The following AGAP1 variants were observed in gnomAD, a reference collection of about 807,000 sequenced individuals.
AGAP1 encodes arf-GAP with GTPase, ANK repeat and PH domain-containing protein 1.
AGAP1 carries 29 observed loss-of-function variants against 105.3 expected under a neutral mutation model. The observed-to-expected ratio is 0.28, with a 90% CI of 0.21 to 0.38. The LOEUF (loss-of-function observed/expected upper bound fraction) is 0.38. Among genes scored for constraint, AGAP1 ranks in the 10% least tolerant of loss-of-function variants. The pLI is 1.00. For missense variants in AGAP1, 998 were observed against 1,165.1 expected (o/e 0.86, Z 2.09); for synonymous variants, 509 against 485.9 (o/e 1.05, Z -0.63).
rs559307771 is a variant in AGAP1 at position 235,582,498 on chromosome 2, G to C, written c.163+87649G>C. Among the ~76,000 whole-genome samples, 1 of 152,334 alleles carries C rather than the reference G, an allele frequency of 6.6e-6. No individual in the cohort carries two copies. Among genetic ancestry groups the C allele is most frequent in the African/African-American group, 2.4e-5 (1 of 41,576 alleles). Reference sequence around the variant, plus strand: ...TGATGAAGCCCTCTTGAGTCAGATCGTGGGGTTGGTTGGTCATGCGTGTAA... The same window carrying C: ...TGATGAAGCCCTCTTGAGTCAGATCCTGGGGTTGGTTGGTCATGCGTGTAA... On this transcript the variant is annotated intron_variant, in intron 1 of 17. Transcript: ENST00000304032. The surrounding 1 kb of genome is among the most constrained non-coding windows in gnomAD (Gnocchi z 4.7).
At chr2:235,832,286 T>C (rs1185094640) in intron 9 of AGAP1, among the ~76,000 whole-genome samples, 4 of 152,242 alleles carry the variant, frequency 2.6e-5, no homozygotes, top group Non-Finnish European at 4.4e-5. Flanking sequence ...ATCTTTCTTC[T>C]TTTCCCTCCT....
In AGAP1 at chr2:235,970,345, A is replaced by G. The variant is rs2054589734; in HGVS notation, c.1645+1722A>G. Among the ~76,000 whole-genome samples, 2 of 152,156 alleles carry G rather than the reference A, an allele frequency of 1.3e-5. No homozygotes were observed. Among genetic ancestry groups the G allele is most frequent in the Non-Finnish European group, 2.9e-5 (2 of 68,044 alleles). ...TGCCACTGACCTTCCCACTGAAAAC[A>G]GTATCAGCCGCAGGCGCTCTGTGTT... On this transcript the variant is annotated intron_variant, in intron 13 of 17. Coordinates refer to ENST00000304032, the MANE Select transcript of AGAP1 (RefSeq NM_001037131.3). The surrounding 1 kb of genome is among the most constrained non-coding windows in gnomAD (Gnocchi z 5.4).
intron 16 of AGAP1, among the ~76,000 whole-genome samples, chr2:236,084,420 G>C (rs549985039): frequency 1.3e-5 from 2 of 152,326 alleles, no homozygotes; most frequent in South Asian, 4.1e-4. Flanking sequence ...AAGTGTGGGA[G>C]ATTGTTGAGC....
At position 236,101,953 on chromosome 2, in the gene AGAP1, C is replaced by G. The variant is rs1425034967; in HGVS notation, c.2115-18239C>G. 6.6e-6 allele frequency among the ~76,000 whole-genome samples: 1 copy of G among 152,226 alleles called. No individual in the cohort carries two copies. The highest frequency in any genetic ancestry group is 1.5e-5 in the Non-Finnish European group (1 of 68,052). ...GTTTCTGTGCAAACATACTCACACA[C>G]AGTTTCCAAATGAAGTCACAAACTT... On this transcript the variant is annotated intron_variant, in intron 16 of 17. Transcript: ENST00000304032. This position sits in a 1 kb window ranked among gnomAD's most constrained non-coding sequence, Gnocchi z 4.9.
At chr2:235,797,964 G>T in intron 7 of AGAP1, 78 bp downstream of exon 7, 2 of 1,506,450 alleles carry the variant, frequency 1.3e-6, no homozygotes, top group Non-Finnish European at 1.8e-6. Context: ...CAATGCTAAG[G>T]TTGATTTTTT....
At position 236,113,420 on chromosome 2, in the gene AGAP1, T is replaced by G. The variant is rs1314593560; in HGVS notation, c.2115-6772T>G. ...TCCCAAAGTGCTGGGATTACAGTCA[T>G]GAGCCACCATGCCCGGCTGGAGTTT... On this transcript the variant is annotated intron_variant, in intron 16 of 17. Transcript: ENST00000304032. This position sits in a 1 kb window ranked among gnomAD's most constrained non-coding sequence, Gnocchi z 4.3. 6.6e-6 allele frequency among the ~76,000 whole-genome samples: 1 copy of G among 152,218 alleles called. No homozygotes were observed. The highest frequency in any genetic ancestry group is 6.5e-5 in the Admixed American group (1 of 15,282).
intron 16 of AGAP1, among the ~76,000 whole-genome samples, chr2:236,088,895 A>G (rs373519636): frequency 5.3e-5 from 8 of 152,220 alleles, no homozygotes; most frequent in African/African-American, 1.4e-4. Context: ...TCTTGAAAGA[A>G]TAGTTGCTTA....
intron 1 of AGAP1, among the ~76,000 whole-genome samples, chr2:235,651,841 A>C (rs948788703): frequency 6.6e-6 from 1 of 152,198 alleles, no homozygotes; most frequent in East Asian, 1.9e-4. Flanking sequence ...TTATACTCGT[A>C]TCTTGTTCCA....
chr2:235,501,781 G>A (rs1396160961), intron 1 of AGAP1, among the ~76,000 whole-genome samples: 1 of 151,552 alleles, frequency 6.6e-6, no homozygotes, highest in Non-Finnish European at 1.5e-5. Flanking sequence ...CCCCCTCCCC[G>A]CCCCCATCCC....
At chr2:236,041,409 A>G (rs1200298856) in intron 15 of AGAP1, among the ~76,000 whole-genome samples, 2 of 151,774 alleles carry the variant, frequency 1.3e-5, no homozygotes, top group Non-Finnish European at 2.9e-5. Context: ...TCTTAAATCC[A>G]TTACCCACTA....
rs2054115915 is a variant in AGAP1 at position 235,960,029 on chromosome 2, A to G, written c.1484-8433A>G. ...TGTTGGAGCATTGCCGTGGCAGGAG[A>G]ACGCAGTGGGCAGAGACGCACCCTG... On this transcript the variant is annotated intron_variant, in intron 12 of 17. Coordinates refer to ENST00000304032, the MANE Select transcript of AGAP1 (RefSeq NM_001037131.3). This position sits in a 1 kb window ranked among gnomAD's most constrained non-coding sequence, Gnocchi z 4.9. 6.6e-6 allele frequency among the ~76,000 whole-genome samples: 1 copy of G among 152,136 alleles called. No homozygotes were observed. Among genetic ancestry groups the G allele is most frequent in the African/African-American group, 2.4e-5 (1 of 41,444 alleles).
Position 235,689,386 on chromosome 2 carries a change from C to G in AGAP1, c.164-19793C>G, listed in dbSNP as rs1949629420. Among the ~76,000 whole-genome samples, 1 of 152,226 alleles carries G rather than the reference C, an allele frequency of 6.6e-6. No homozygotes were observed. The highest frequency in any genetic ancestry group is 2.4e-5 in the African/African-American group (1 of 41,458). Reference sequence around the variant, plus strand: ...GGCCCGTAGGGTCTCCAGCACAATACCGGGTTAGTGAGCAGAAAGTAGTGC... The same window carrying G: ...GGCCCGTAGGGTCTCCAGCACAATAGCGGGTTAGTGAGCAGAAAGTAGTGC... On this transcript the variant is annotated intron_variant, in intron 1 of 17. Coordinates refer to ENST00000304032, the MANE Select transcript of AGAP1 (RefSeq NM_001037131.3). The surrounding 1 kb of genome is among the most constrained non-coding windows in gnomAD (Gnocchi z 4.2).
At chr2:235,521,126 T>G (rs1281500341) in intron 1 of AGAP1, among the ~76,000 whole-genome samples, 1 of 152,218 alleles carries the variant, frequency 6.6e-6, no homozygotes, top group African/African-American at 2.4e-5. Context: ...CCAGCAGAGC[T>G]TCCAACAGTG....
At chr2:235,890,727 GGT>G (rs1306976136) in intron 10 of AGAP1, among the ~76,000 whole-genome samples, 7 of 152,168 alleles carry the variant, frequency 4.6e-5, no homozygotes, top group African/African-American at 1.7e-4. Context: ...CTGGCTGGAA[GGT>G]GTCCGTTTTA....
In AGAP1 at chr2:235,725,921, G is replaced by A. The variant is rs1951621679; in HGVS notation, c.310+8277G>A. 2.0e-5 allele frequency among the ~76,000 whole-genome samples: 3 copies of A among 152,090 alleles called. No homozygotes were observed. The highest frequency in any genetic ancestry group is 2.0e-4 in the Admixed American group (3 of 15,266). On this transcript the variant is annotated intron_variant, in intron 3 of 17. Coordinates refer to ENST00000304032, the MANE Select transcript of AGAP1 (RefSeq NM_001037131.3). The surrounding 1 kb of genome is among the most constrained non-coding windows in gnomAD (Gnocchi z 5.7). ...AGATGTTCAAAAAAATAATAAAAGGGAAGCATGTTCTGTTTCATTTTGAGC... is the reference window on the plus strand; with the variant it reads ...AGATGTTCAAAAAAATAATAAAAGGAAAGCATGTTCTGTTTCATTTTGAGC...
intron 12 of AGAP1, among the ~76,000 whole-genome samples, chr2:235,937,650 C>A (rs948064902): frequency 6.6e-6 from 1 of 152,208 alleles, no homozygotes; most frequent in East Asian, 1.9e-4. Flanking sequence ...ACCTCTTGGC[C>A]CTCTGGCCCT....
rs950588796 is a variant in AGAP1, at chr2:235,965,531, G to A, written c.1484-2931G>A. ...AACCTTGTCTGGAGAGGTCTGCAGC[G>A]GTTTTGAGCAGACCTGACCGAGCTC... On this transcript the variant is annotated intron_variant, in intron 12 of 17. Transcript: ENST00000304032. The surrounding 1 kb of genome is among the most constrained non-coding windows in gnomAD (Gnocchi z 5.8). Among the ~76,000 whole-genome samples the A allele has an allele frequency of 2.0e-5, 3 of 152,114 alleles. No homozygotes were observed. In the East Asian group the frequency reaches 5.8e-4, roughly 29 times the overall value.
rs751193768 is a variant in AGAP1 at position 236,038,815 on chromosome 2, T to TTGTGTG, written c.1801-1933_1801-1932insGTGTGT. Among the ~76,000 whole-genome samples the TTGTGTG allele has an allele frequency of 3.9e-5, 5 of 128,572 alleles. No homozygotes were observed. Among genetic ancestry groups the TTGTGTG allele is most frequent in the African/African-American group, 1.8e-4 (5 of 28,164 alleles). 84.3% of individuals were successfully genotyped at this position (128,572 alleles called of 152,430 possible). On this transcript the variant is annotated intron_variant, in intron 14 of 17. Transcript: ENST00000304032. This position sits in a 1 kb window ranked among gnomAD's most constrained non-coding sequence, Gnocchi z 4.5. ...CACAGAGAGACAGAGGCACATCCCT[T>TTGTGTG]TGTATGTGTGTGTGTGTGTGTGTGT... is the stretch of plus-strand genomic sequence containing the variant.
At chr2:235,846,024 T>TA (rs996202653) in intron 9 of AGAP1, among the ~76,000 whole-genome samples, 1 of 151,816 alleles carries the variant, frequency 6.6e-6, no homozygotes, top group Non-Finnish European at 1.5e-5. Flanking sequence ...AATACTAAAT[T>TA]AAAAAAAAAT....
Sources: allele counts gnomAD v4.1 joint callset (sites outside exome capture counted in the v4.1 genomes callset), GRCh38; gene constraint gnomAD v4.1.1; non-coding constraint Gnocchi (gnomAD v3.1); transcripts MANE v1.5; gene names NCBI Gene and HGNC (gene_info 2026-07-23, HGNC 2026-07-21).